TM6SF1: variants seen among roughly 807,000 people sequenced by gnomAD.
The protein encoded by TM6SF1 is transmembrane 6 superfamily member 1.
A neutral mutation model predicts 47.1 loss-of-function variants in TM6SF1; 43 were observed. The observed-to-expected ratio is 0.91, with a 90% CI of 0.72 to 1.18. The LOEUF is 1.18. Among genes scored for constraint, TM6SF1 ranks in the 50% most tolerant of loss-of-function variants. The probability of loss-of-function intolerance (pLI) is 0.00; values close to 1 mark genes in which losing one functional copy is unlikely to be tolerated. For synonymous variants in TM6SF1, 177 were observed against 166.3 expected, an observed-to-expected ratio of 1.06 and a Z score of -0.49; for missense variants, 390 against 449.0, an observed-to-expected ratio of 0.87 and a Z score of 1.19.
chr15:83,116,946 C>G lies in TM6SF1; in HGVS notation c.294+1004C>G, dbSNP rs117632913. Among the ~76,000 whole-genome samples the G allele has an allele frequency of 2.2e-4, 34 of 152,282 alleles. No individual in the cohort carries two copies. In the East Asian group the frequency reaches 6.4e-3, roughly 29 times the overall value. ...CTGCAGACATTTGTTGAAGGGGACTCTGTGGTCAGAAGACCTGCTCCCTGC... is the reference window on the plus strand; with the variant it reads ...CTGCAGACATTTGTTGAAGGGGACTGTGTGGTCAGAAGACCTGCTCCCTGC... On this transcript the variant is annotated intron_variant, in intron 3 of 9. Transcript: ENST00000322019.
intron 4 of TM6SF1, among the ~76,000 whole-genome samples, chr15:83,121,110 AC>A (rs1167396137): frequency 6.6e-6 from 1 of 151,636 alleles, no homozygotes; most frequent in Non-Finnish European, 1.5e-5. Flanking sequence ...TCGCTCTGTC[AC>A]CCAGGCTGGA....
intron 5 of TM6SF1, 102 bp from the exon 6 acceptor site, chr15:83,122,655 C>T: frequency 7.4e-7 from 1 of 1,342,904 alleles, no homozygotes; most frequent in South Asian, 1.4e-5. Context: ...TTGTCTGGCC[C>T]ATAGCAAAAT....
chr15:83,122,930 TCGCATCCACTGGC>T, intron 6 of TM6SF1, 52 bp downstream of exon 6: 1 of 1,601,178 alleles, frequency 6.2e-7, no homozygotes, highest in East Asian at 2.2e-5. Flanking sequence ...TAGGGTTCTT[TCGCATCCACTGGC>T]CACTGAATTG....
At chr15:83,128,078 CAAAT>C (rs2151377740) in intron 9 of TM6SF1, 1 of 152,276 alleles carries the variant, frequency 6.6e-6, no homozygotes, top group South Asian at 2.1e-4. Context: ...ATTAGCAAAA[CAAAT>C]CAATCTTCTG....
chr15:83,129,095 G>A (rs1330575857), intron 9 of TM6SF1: 3 of 152,116 alleles, frequency 2.0e-5, no homozygotes, highest in Non-Finnish European at 4.4e-5. Flanking sequence ...CTCCCAAAGT[G>A]GTAGGATTAC....
intron 3 of TM6SF1, among the ~76,000 whole-genome samples, chr15:83,118,138 G>T (rs1414727021): frequency 6.6e-6 from 1 of 152,084 alleles, no homozygotes; most frequent in Non-Finnish European, 1.5e-5. Flanking sequence ...AAGGCGGGAG[G>T]ATCGCTTGAC....
At chr15:83,115,652 G>A in intron 2 of TM6SF1, 193 bp from the exon 3 acceptor site, 1 of 689,684 alleles carries the variant, frequency 1.4e-6, no homozygotes, top group Non-Finnish European at 2.7e-6. Flanking sequence ...AGGCAGGGAT[G>A]GGGAGAGCTG....
chr15:83,124,818 C>T (rs752856973), intron 7 of TM6SF1, 42 bp downstream of exon 7: 2 of 1,432,112 alleles, frequency 1.4e-6, no homozygotes, highest in Non-Finnish European at 2.0e-6. Context: ...TGTGATACTA[C>T]TCACATTTCC....
chr15:83,111,022 C>A (rs1382986364), intron 1 of TM6SF1, among the ~76,000 whole-genome samples: 1 of 152,140 alleles, frequency 6.6e-6, no homozygotes, highest in African/African-American at 2.4e-5. Flanking sequence ...AGGCATCCGC[C>A]ACCTCGCCTG....
Position 83,107,853 on chromosome 15 carries a change from C to T in TM6SF1, c.92+81C>T, listed in dbSNP as rs565828749. On this transcript the variant is annotated intron_variant, in intron 1 of 9. Transcript: ENST00000322019. This position sits in a 1 kb window ranked among gnomAD's most constrained non-coding sequence, Gnocchi z 5.6. ...CGCGACGGGAGCCTCGCAACTTTTCCGAGGGGGCTGGGACCGTCCGCCGCG... is the reference window on the plus strand; with the variant it reads ...CGCGACGGGAGCCTCGCAACTTTTCTGAGGGGGCTGGGACCGTCCGCCGCG... 1.6e-4 allele frequency: 240 copies of T among 1,488,988 alleles called. No individual in the cohort carries two copies. Among genetic ancestry groups the T allele is most frequent in the South Asian group, 1.2e-3 (93 of 78,492 alleles). The allele number at this position is 1,488,988 out of a possible 1,614,324, so 92.2% of individuals were successfully genotyped here.
At chr15:83,115,201 T>G in intron 2 of TM6SF1, 1 of 165,716 alleles carries the variant, frequency 6.0e-6, no homozygotes, top group Non-Finnish European at 1.3e-5. Flanking sequence ...CACTGCAACC[T>G]CCGCCTCCTG....
At chr15:83,132,282 C>T (rs1274092910) in intron 9 of TM6SF1, 1 of 152,116 alleles carries the variant, frequency 6.6e-6, no homozygotes, top group East Asian at 1.9e-4. Context: ...CGAAGATTAA[C>T]CTGAAGACAA....
chr15:83,134,989 G>A (rs928172673), intron 9 of TM6SF1: 6 of 152,188 alleles, frequency 3.9e-5, no homozygotes, highest in African/African-American at 1.4e-4. Flanking sequence ...TACATTTGCT[G>A]GGTTCTGCCT....
intron 3 of TM6SF1, among the ~76,000 whole-genome samples, chr15:83,116,690 C>T (rs951345903): frequency 1.3e-5 from 2 of 152,088 alleles, no homozygotes; most frequent in Non-Finnish European, 2.9e-5. Context: ...AGTCAGGAGG[C>T]TTCCTCGGGA....
intron 9 of TM6SF1, 27 bp downstream of exon 9, chr15:83,127,504 T>C: frequency 6.2e-7 from 1 of 1,611,922 alleles, no homozygotes; most frequent in Non-Finnish European, 8.5e-7. Context: ...GTTGAGAAGG[T>C]TTACTTGTGG....
chr15:83,119,286 G>C (rs1239013938), intron 3 of TM6SF1, among the ~76,000 whole-genome samples: 2 of 152,210 alleles, frequency 1.3e-5, no homozygotes, highest in Non-Finnish European at 2.9e-5. Context: ...CATACAGCCA[G>C]GATTGCCTAT....
At chr15:83,108,006 G>A (rs959058929) in intron 1 of TM6SF1, 1 of 871,978 alleles carries the variant, frequency 1.1e-6, no homozygotes, top group Non-Finnish European at 1.5e-6. Flanking sequence ...TCGGGATGTT[G>A]GTGCCAGCAC....
At position 83,119,616 on chromosome 15, in the gene TM6SF1, C is replaced by G. The variant is rs757040990; in HGVS notation, c.333C>G (p.Ile111Met). Residue 111 changes from isoleucine to methionine, a missense_variant, in exon 4 of 10, where the codon ATC becomes ATG. Ile to Met is a conservative substitution (Grantham distance 10, BLOSUM62 1). Coordinates refer to ENST00000322019, the MANE Select transcript of TM6SF1 (RefSeq NM_023003.5). ...PYLNTAYGHM[I>M]CYWDGSAHYL... is the part of the protein sequence containing the mutation. ...TGAACACCGCATATGGGCACATGAT[C>G]TGCTACTGGGATGGCTCTGCTCATT... The G allele has an allele frequency of 1.2e-6, 2 of 1,614,198 alleles. No individual in the cohort carries two copies. Among genetic ancestry groups the G allele is most frequent in the Non-Finnish European group, 8.5e-7 (1 of 1,180,042 alleles).
chr15:83,125,721 T>C (rs930249060), intron 7 of TM6SF1, among the ~76,000 whole-genome samples: 3 of 152,242 alleles, frequency 2.0e-5, no homozygotes, highest in South Asian at 2.1e-4. Flanking sequence ...CGCGTAACAG[T>C]TGGACAGTAG....
Sources: gnomAD v4.1 joint callset for allele counts (sites outside exome capture counted in the v4.1 genomes callset) on GRCh38, gnomAD v4.1.1 for gene constraint, Gnocchi (gnomAD v3.1) non-coding constraint, MANE v1.5 for transcripts, NCBI Gene and HGNC (gene_info 2026-07-23, HGNC 2026-07-21) for gene names.